Variants in MYO9A observed in about 807,000 individuals in gnomAD.
MYO9A encodes the protein unconventional myosin-IXa.
In MYO9A, 103 loss-of-function variants were observed where a neutral mutation model predicts 293.3. That is an observed-to-expected ratio of 0.35 (90% confidence interval 0.30 to 0.41). The LOEUF (loss-of-function observed/expected upper bound fraction) is 0.41. MYO9A is among the 10% of genes least tolerant of loss of function. The probability of loss-of-function intolerance (pLI) is 1.00; values close to 1 mark genes in which losing one functional copy is unlikely to be tolerated. For synonymous variants in MYO9A, 1,001 were observed against 1,035.7 expected (o/e 0.97, Z 0.64); for missense variants, 2,685 against 3,033.0 (o/e 0.89, Z 2.69).
rs1252864055 is a variant in MYO9A, at chr15:71,898,398, A to G, written c.4105T>C (p.Ser1369Pro). Residue 1369 changes from serine (S) to proline (P), a missense_variant, in exon 25 of 42, where the codon TCA (serine) becomes CCA (proline). Physicochemically the swap from Ser to Pro is moderately conservative, Grantham distance 74. Around this residue, in one of 10 missense-constraint regions of MYO9A, gnomAD observed 1,434 missense variants for 1,497.7 expected, o/e 0.96. Transcript: ENST00000356056. ...GAGGCACTGAGGGCATTGTCCCGTGAATCAAATTTTGGACTGCTGGATATC... is the reference window on the plus strand; with the variant it reads ...GAGGCACTGAGGGCATTGTCCCGTGGATCAAATTTTGGACTGCTGGATATC... ...PKISSSPKFDSRDNALSASNE... is the reference protein window; with the variant it reads ...PKISSSPKFDPRDNALSASNE... 1.2e-6 allele frequency: 2 copies of G among 1,613,556 alleles called. No individual in the cohort carries two copies. The highest frequency in any genetic ancestry group is 1.7e-6 in the Non-Finnish European group (2 of 1,180,016).
chr15:72,085,308 G>T (rs1302562040), intron 1 of MYO9A, among the ~76,000 whole-genome samples: 1 of 151,414 alleles, frequency 6.6e-6, no homozygotes, highest in Non-Finnish European at 1.5e-5. Context: ...CAGGAGAATC[G>T]TTTCAACCCA....
chr15:71,932,781 A>G (rs1016319956), intron 18 of MYO9A, among the ~76,000 whole-genome samples: 2 of 152,124 alleles, frequency 1.3e-5, no homozygotes, highest in Non-Finnish European at 2.9e-5. Context: ...CTACTACTGC[A>G]TGTAATTATT....
At chr15:71,856,794 A>G (rs533665961) in intron 34 of MYO9A, among the ~76,000 whole-genome samples, 1 of 152,340 alleles carries the variant, frequency 6.6e-6, no homozygotes, top group South Asian at 2.1e-4. Context: ...CTAAGGCAGA[A>G]TAGGACACAA....
rs2054391399 is a variant in MYO9A, at chr15:71,824,548, C to T, written c.*2032G>A. ...GAACACTGAAACACAGACTGTGCAA[C>T]CTGGCACGGGGCTGAGGAACCAGCA... On this transcript the variant is annotated 3_prime_UTR_variant, in exon 42 of 42. Coordinates refer to ENST00000356056, the MANE Select transcript of MYO9A (RefSeq NM_006901.4). The T allele has an allele frequency of 6.6e-6, 1 of 152,218 alleles. No homozygotes were observed. Among genetic ancestry groups the T allele is most frequent in the Non-Finnish European group, 1.5e-5 (1 of 68,078 alleles). 9.4% of individuals were successfully genotyped at this position (152,218 alleles called of 1,614,324 possible). A position where few individuals can be genotyped will look rare whatever the true frequency, so the allele number is the denominator to read the frequency against.
intron 9 of MYO9A, among the ~76,000 whole-genome samples, chr15:71,997,658 TA>T (rs1420392968): frequency 6.6e-6 from 1 of 151,686 alleles, no homozygotes; most frequent in African/African-American, 2.4e-5. Flanking sequence ...GAATACAAAA[TA>T]ATCTCAGAAG....
At chr15:71,984,381 G>A (rs563945101) in intron 11 of MYO9A, among the ~76,000 whole-genome samples, 2 of 152,216 alleles carry the variant, frequency 1.3e-5, no homozygotes, top group South Asian at 2.1e-4. Flanking sequence ...ATTGTCTTTG[G>A]TTTAGTATAA....
rs573133846 is a variant in MYO9A, at chr15:72,042,151, C to G, written c.840+3573G>C. On this transcript the variant is annotated intron_variant, in intron 2 of 41. Transcript: ENST00000356056. ...CAAAAAAAAAAGACATTAAAGAAAA[C>G]AATGTTAGGCATGATGGTGCAAGAT... 4.3e-4 allele frequency among the ~76,000 whole-genome samples: 36 copies of G among 83,462 alleles called. 1 individual carries two copies. The South Asian group carries it at 0.013, about 29-fold the overall frequency. 54.8% of individuals were successfully genotyped at this position (83,462 alleles called of 152,430 possible).
chr15:71,855,716 C>G (rs1277774911), intron 34 of MYO9A, among the ~76,000 whole-genome samples: 1 of 152,072 alleles, frequency 6.6e-6, no homozygotes, highest in East Asian at 1.9e-4. Context: ...GTGTCATCAC[C>G]CCAGCTCAAA....
chr15:71,994,920 C>T (rs1181742641), intron 9 of MYO9A, among the ~76,000 whole-genome samples: 2 of 152,068 alleles, frequency 1.3e-5, no homozygotes, highest in Non-Finnish European at 2.9e-5. Flanking sequence ...TTAGTAGAAA[C>T]GGGGTTTCTC....
intron 10 of MYO9A, among the ~76,000 whole-genome samples, chr15:71,994,108 ATATATT>A (rs1488082286): frequency 2.6e-5 from 4 of 152,184 alleles, no homozygotes; most frequent in East Asian, 1.9e-4. Context: ...ACATCTTACT[ATATATT>A]TATAACTTTT....
chr15:71,937,380 T>C (rs2058669436), intron 16 of MYO9A, among the ~76,000 whole-genome samples: 1 of 152,076 alleles, frequency 6.6e-6, no homozygotes, highest in African/African-American at 2.4e-5. Flanking sequence ...GCCACTCCAA[T>C]TTTCAGCATC....
chr15:72,099,023 C>T (rs546089773), intron 1 of MYO9A, among the ~76,000 whole-genome samples: 4 of 151,900 alleles, frequency 2.6e-5, no homozygotes, highest in Non-Finnish European at 4.4e-5. Context: ...AGGCCAGACA[C>T]AGTAGCTCAC....
chr15:72,006,537 G>T, intron 8 of MYO9A, among the ~76,000 whole-genome samples: 1 of 152,172 alleles, frequency 6.6e-6, no homozygotes, highest in East Asian at 1.9e-4. Flanking sequence ...AGCAGTTTAG[G>T]GGGAGGGACT....
chr15:72,106,672 G>A (rs541685160), intron 1 of MYO9A, among the ~76,000 whole-genome samples: 1 of 151,936 alleles, frequency 6.6e-6, no homozygotes, highest in East Asian at 1.9e-4. Context: ...GCAATCACAG[G>A]TCACTGCAGC....
At chr15:72,107,284 C>G (rs141983725) in intron 1 of MYO9A, among the ~76,000 whole-genome samples, 45 of 152,286 alleles carry the variant, frequency 3.0e-4, no homozygotes, top group Non-Finnish European at 5.6e-4. Flanking sequence ...TGTAGTGACT[C>G]ATGCCTGTAA....
At chr15:71,854,706 A>G (rs2055795225) in intron 34 of MYO9A, 137 bp from the exon 35 acceptor site, 2 of 600,200 alleles carry the variant, frequency 3.3e-6, no homozygotes, top group Non-Finnish European at 5.5e-6. Flanking sequence ...GAGAAAGGGA[A>G]TTATGTTTAA....
At chr15:71,934,019 T>C (rs1023040489) in intron 17 of MYO9A, among the ~76,000 whole-genome samples, 1 of 152,146 alleles carries the variant, frequency 6.6e-6, no homozygotes, top group African/African-American at 2.4e-5. Flanking sequence ...AGTAGTTTCT[T>C]GTACCTACAG....
At chr15:72,101,429 C>T (rs1353009174) in intron 1 of MYO9A, among the ~76,000 whole-genome samples, 5 of 135,774 alleles carry the variant, frequency 3.7e-5, no homozygotes, top group African/African-American at 1.1e-4. Context: ...TGAGGAGCCC[C>T]TCTGCCAGGC....
At chr15:71,848,550 C>T (rs917917423) in intron 39 of MYO9A, among the ~76,000 whole-genome samples, 1 of 151,998 alleles carries the variant, frequency 6.6e-6, no homozygotes, top group Non-Finnish European at 1.5e-5. Flanking sequence ...AAGAGGATTA[C>T]GTTTTCATAG....
Sources: gnomAD v4.1 joint callset for allele counts (sites outside exome capture counted in the v4.1 genomes callset) on GRCh38, gnomAD v4.1.1 for gene constraint, gnomAD v4.1.1 regional missense constraint, MANE v1.5 for transcripts, NCBI Gene and HGNC (gene_info 2026-07-23, HGNC 2026-07-21) for gene names.